Variants in LZTS1 observed in about 807,000 individuals in gnomAD.
LZTS1 encodes the protein leucine zipper putative tumor suppressor 1.
A neutral mutation model predicts 45.8 loss-of-function variants in LZTS1; 31 were observed. The ratio of observed to expected loss-of-function variants is 0.68; its 90% CI spans 0.51 to 0.91. The LOEUF (loss-of-function observed/expected upper bound fraction) is 0.91, where lower values mean the gene tolerates loss of function less well. Ranked by LOEUF, LZTS1 falls within the 40% of genes least tolerant of loss-of-function variation. The pLI, the probability that LZTS1 is intolerant of heterozygous loss-of-function variation, is 0.00. For missense variants in LZTS1, 821 were observed against 788.9 expected, an observed-to-expected ratio of 1.04 and a Z score of -0.49; for synonymous variants, 359 against 357.3, an observed-to-expected ratio of 1.00 and a Z score of -0.05.
chr8:20,280,922 C>T (rs1800678935), intron 1 of LZTS1, among the ~76,000 whole-genome samples: 1 of 152,194 alleles, frequency 6.6e-6, no homozygotes, highest in Admixed American at 6.5e-5. Flanking sequence ...CTGAATTCTT[C>T]TCTAACCAGC....
intron 1 of LZTS1, among the ~76,000 whole-genome samples, chr8:20,283,335 T>C (rs191793173): frequency 4.7e-4 from 71 of 152,262 alleles, no homozygotes; most frequent in Admixed American, 9.2e-4. Context: ...CTCAGAGAAC[T>C]ACCTTGTCCC....
intron 1 of LZTS1, among the ~76,000 whole-genome samples, chr8:20,294,201 T>C (rs1330136818): frequency 6.6e-6 from 1 of 152,224 alleles, no homozygotes. Context: ...TCTGCGGCTC[T>C]AGAATAGAAG....
intron 1 of LZTS1, among the ~76,000 whole-genome samples, chr8:20,262,573 G>C (rs1035628103): frequency 3.3e-5 from 5 of 150,922 alleles, no homozygotes; most frequent in Admixed American, 2.6e-4. Flanking sequence ...AAGTGGTTTT[G>C]TAAAATGATG....
chr8:20,291,696 T>A (rs1185011340), intron 1 of LZTS1, among the ~76,000 whole-genome samples: 6 of 151,386 alleles, frequency 4.0e-5, no homozygotes, highest in African/African-American at 1.5e-4. Flanking sequence ...TGACTTTTCT[T>A]CACGGCACCA....
chr8:20,293,706 G>A (rs1415070736), intron 1 of LZTS1, among the ~76,000 whole-genome samples: 5 of 152,084 alleles, frequency 3.3e-5, no homozygotes, highest in Admixed American at 6.6e-5. Flanking sequence ...GTTGGACTGG[G>A]GAGATTTCTT....
chr8:20,281,923 A>C (rs1024513272), intron 1 of LZTS1, among the ~76,000 whole-genome samples: 1 of 152,210 alleles, frequency 6.6e-6, no homozygotes, highest in Non-Finnish European at 1.5e-5. Context: ...AGTTGGTGGA[A>C]GGATGGAGCT....
chr8:20,264,105 T>TTAAAATTTTAGA (rs1800301101), intron 1 of LZTS1, among the ~76,000 whole-genome samples: 4 of 152,224 alleles, frequency 2.6e-5, no homozygotes, highest in Non-Finnish European at 4.4e-5. Context: ...TATTTTAACG[T>TTAAAATTTTAGA]CTATGAATGC....
At chr8:20,282,770 T>A (rs1800718534) in intron 1 of LZTS1, among the ~76,000 whole-genome samples, 2 of 152,178 alleles carry the variant, frequency 1.3e-5, no homozygotes, top group African/African-American at 4.8e-5. Flanking sequence ...TGTTGCCAAA[T>A]ATTCCTTAGG....
At chr8:20,302,742 G>A (rs970930108) in intron 1 of LZTS1, among the ~76,000 whole-genome samples, 3 of 152,218 alleles carry the variant, frequency 2.0e-5, no homozygotes, top group African/African-American at 7.2e-5. Context: ...GGGAATAAGT[G>A]AGACAGGAAA....
intron 2 of LZTS1, among the ~76,000 whole-genome samples, chr8:20,254,451 C>T (rs1025607751): frequency 2.6e-5 from 4 of 152,228 alleles, no homozygotes; most frequent in South Asian, 2.1e-4. Flanking sequence ...GGTTAACTCC[C>T]GGCCTGCATC....
chr8:20,256,964 G>T (rs1383433522), intron 1 of LZTS1, among the ~76,000 whole-genome samples: 3 of 152,158 alleles, frequency 2.0e-5, no homozygotes, highest in Non-Finnish European at 4.4e-5. Flanking sequence ...AGGCAGGTTA[G>T]GAGAAGTGAA....
At chr8:20,277,858 C>T (rs1016319565) in intron 1 of LZTS1, among the ~76,000 whole-genome samples, 2 of 152,158 alleles carry the variant, frequency 1.3e-5, no homozygotes, top group Admixed American at 6.5e-5. Flanking sequence ...CAGCTTGGTG[C>T]AGAGCTTGGG....
rs762405739 is a variant in LZTS1 at position 20,249,711 on chromosome 8, C to T, written c.*11G>A. On this transcript the variant is annotated 3_prime_UTR_variant, in exon 4 of 4. Coordinates refer to ENST00000381569, the MANE Select transcript of LZTS1 (RefSeq NM_021020.5). ...TGCCAGGTCCCCAGACTCGCCTTCCCAGGCAGCCCCTCAGATCTCAGTGGC... is the reference window on the plus strand; with the variant it reads ...TGCCAGGTCCCCAGACTCGCCTTCCTAGGCAGCCCCTCAGATCTCAGTGGC... 1.3e-6 allele frequency: 2 copies of T among 1,588,808 alleles called. No individual in the cohort carries two copies. Among genetic ancestry groups the T allele is most frequent in the Non-Finnish European group, 1.7e-6 (2 of 1,169,016 alleles).
chr8:20,251,146 T>TATATATAA (rs1799895595), intron 3 of LZTS1, among the ~76,000 whole-genome samples: 1 of 102,890 alleles, frequency 9.7e-6, no homozygotes, highest in African/African-American at 3.6e-5. Context: ...TATATATATA[T>TATATATAA]ATAAAATATA....
chr8:20,279,016 A>G lies in LZTS1; in HGVS notation c.-134-23701T>C, dbSNP rs1585295946. The stretch of plus-strand genomic sequence containing the variant: ...TCACCATTTCTTCCAAATGCCACTC[A>G]GCACATAATGCTCTCATGTGCCACA... On this transcript the variant is annotated intron_variant, in intron 1 of 3. Coordinates refer to ENST00000381569, the MANE Select transcript of LZTS1 (RefSeq NM_021020.5). 2.6e-5 allele frequency among the ~76,000 whole-genome samples: 4 copies of G among 152,314 alleles called. No homozygotes were observed. The South Asian group carries it at 8.3e-4, about 32-fold the overall frequency.
chr8:20,296,374 C>A (rs1394609312), intron 1 of LZTS1, among the ~76,000 whole-genome samples: 1 of 152,212 alleles, frequency 6.6e-6, no homozygotes. Context: ...GTTCTTGTAC[C>A]CCTCTTAGGC....
chr8:20,251,608 C>T (rs1375113331), intron 3 of LZTS1, among the ~76,000 whole-genome samples: 5 of 152,168 alleles, frequency 3.3e-5, no homozygotes, highest in African/African-American at 9.7e-5. Flanking sequence ...CGGTTTTCAT[C>T]ATTGCTCTTG....
intron 1 of LZTS1, among the ~76,000 whole-genome samples, chr8:20,269,004 C>T (rs973044285): frequency 3.9e-5 from 6 of 152,184 alleles, no homozygotes; most frequent in Non-Finnish European, 8.8e-5. Flanking sequence ...TCCTCCATCC[C>T]GGTGGGCAGC....
chr8:20,269,341 C>A (rs2410635), intron 1 of LZTS1, among the ~76,000 whole-genome samples: 1 of 152,044 alleles, frequency 6.6e-6, no homozygotes, highest in Non-Finnish European at 1.5e-5. Flanking sequence ...GCTAGACTCC[C>A]TCCCGTCTTA....
Sources: allele counts gnomAD v4.1 joint callset (sites outside exome capture counted in the v4.1 genomes callset), GRCh38; gene constraint gnomAD v4.1.1; transcripts MANE v1.5; gene names NCBI Gene and HGNC (gene_info 2026-07-23, HGNC 2026-07-21).